Variants in GRHL2 observed in about 807,000 individuals in gnomAD.
GRHL2 encodes grainyhead like transcription factor 2.
In GRHL2, 21 loss-of-function variants were observed where a neutral mutation model predicts 83.8. The ratio of observed to expected loss-of-function variants is 0.25; its 90% CI spans 0.18 to 0.36. GRHL2 has a LOEUF of 0.36. Ranked by LOEUF, GRHL2 falls within the 10% of genes least tolerant of loss-of-function variation. The pLI is 1.00. For missense variants in GRHL2, 623 were observed against 781.8 expected (o/e 0.80, Z 2.42); for synonymous variants, 280 against 278.9 (o/e 1.00, Z -0.04).
intron 7 of GRHL2, among the ~76,000 whole-genome samples, chr8:101,584,984 TA>T (rs1812134149): frequency 6.6e-6 from 1 of 151,784 alleles, no homozygotes; most frequent in African/African-American, 2.4e-5. Context: ...AGTGGTCAGG[TA>T]GTCAGGTAGC....
chr8:101,512,104 G>A (rs911415813), intron 1 of GRHL2, among the ~76,000 whole-genome samples: 8 of 150,386 alleles, frequency 5.3e-5, no homozygotes, highest in African/African-American at 1.7e-4. Flanking sequence ...TGGAAATGTT[G>A]TGCCATCTAA....
Position 101,617,874 on chromosome 8 carries a change from C to T in GRHL2, c.1099-1665C>T, listed in dbSNP as rs371773850. Reference sequence around the variant, plus strand: ...TTGAGGGCTGCTCTCCATAGTGTCGCTGTGGTGTGAGGGACTTCAGGTCCA... The same window carrying T: ...TTGAGGGCTGCTCTCCATAGTGTCGTTGTGGTGTGAGGGACTTCAGGTCCA... On this transcript the variant is annotated intron_variant, in intron 8 of 15. Coordinates refer to ENST00000646743, the MANE Select transcript of GRHL2 (RefSeq NM_024915.4). Among the ~76,000 whole-genome samples, 23 of 152,246 alleles carry T rather than the reference C, an allele frequency of 1.5e-4. No homozygotes were observed. The South Asian group carries it at 4.6e-3, about 30-fold the overall frequency.
At chr8:101,630,335 GTC>G (rs1813161476) in intron 9 of GRHL2, among the ~76,000 whole-genome samples, 1 of 152,024 alleles carries the variant, frequency 6.6e-6, no homozygotes, top group Non-Finnish European at 1.5e-5. Context: ...CCATTTGTGC[GTC>G]TTTTTCTGTG....
intron 8 of GRHL2, among the ~76,000 whole-genome samples, chr8:101,606,124 T>G (rs76553210): frequency 0.014 from 2,172 of 152,310 alleles, 44 homozygotes; most frequent in African/African-American, 0.05. Flanking sequence ...ACAGTGACCC[T>G]CCGCTCTACA....
chr8:101,543,882 G>A (rs1051454331), intron 2 of GRHL2: 6 of 216,740 alleles, frequency 2.8e-5, no homozygotes, highest in East Asian at 1.4e-4. Context: ...CACATGGCTG[G>A]GGAGGCCTCA....
At chr8:101,524,638 C>T (rs1332909266) in intron 1 of GRHL2, among the ~76,000 whole-genome samples, 4 of 151,930 alleles carry the variant, frequency 2.6e-5, no homozygotes, top group South Asian at 4.1e-4. Flanking sequence ...CTTTAAATTT[C>T]ATCTTCTTTG....
intron 5 of GRHL2, among the ~76,000 whole-genome samples, chr8:101,570,879 A>G (rs1252066110): frequency 1.3e-5 from 2 of 152,158 alleles, no homozygotes; most frequent in Admixed American, 6.5e-5. Context: ...TCCACCTGTC[A>G]TCTCCTTTCC....
At position 101,657,034 on chromosome 8, in the gene GRHL2, G is replaced by A. The variant is rs1431776148; in HGVS notation, c.1699-7420G>A. Among the ~76,000 whole-genome samples the A allele has an allele frequency of 4.6e-5, 7 of 152,116 alleles. No homozygotes were observed. The South Asian group carries it at 6.2e-4, about 13-fold the overall frequency. ...GCTGATGTCTACAAAGAAAAAGGTC[G>A]CTCATGGCCTTAGTAGCACCCAGTT... On this transcript the variant is annotated intron_variant, in intron 14 of 15. Coordinates refer to ENST00000646743, the MANE Select transcript of GRHL2 (RefSeq NM_024915.4).
At chr8:101,614,238 TA>T (rs1290524867) in intron 8 of GRHL2, among the ~76,000 whole-genome samples, 1 of 150,964 alleles carries the variant, frequency 6.6e-6, no homozygotes, top group Non-Finnish European at 1.5e-5. Flanking sequence ...AATGATTTTG[TA>T]AAAAAATGCC....
rs1586087600 is a variant in GRHL2, at chr8:101,552,577, C to T, written c.217-138C>T. The stretch of plus-strand genomic sequence containing the variant: ...CACTCAGGCTACTAGCCTTTATCAT[C>T]TCCTGGTGATAGCAACTTTTCCACC... On this transcript the variant is annotated intron_variant, in intron 2 of 15. Coordinates refer to ENST00000646743, the MANE Select transcript of GRHL2 (RefSeq NM_024915.4). The T allele has an allele frequency of 3.9e-6, 3 of 759,942 alleles. No individual in the cohort carries two copies. The East Asian group carries it at 7.9e-5, about 20-fold the overall frequency. 47.1% of individuals were successfully genotyped at this position (759,942 alleles called of 1,614,324 possible). A position where few individuals can be genotyped will look rare whatever the true frequency, so the allele number is the denominator to read the frequency against.
At chr8:101,592,453 A>G (rs944149477) in intron 7 of GRHL2, among the ~76,000 whole-genome samples, 2 of 152,192 alleles carry the variant, frequency 1.3e-5, no homozygotes, top group Non-Finnish European at 2.9e-5. Context: ...GCACCAAAAT[A>G]ATCCAATAAT....
chr8:101,571,739 C>G (rs1006226767), intron 5 of GRHL2, among the ~76,000 whole-genome samples: 1 of 152,124 alleles, frequency 6.6e-6, no homozygotes, highest in African/African-American at 2.4e-5. Context: ...TCCTCTGGTT[C>G]CAATCTCAGG....
intron 1 of GRHL2, among the ~76,000 whole-genome samples, chr8:101,538,151 G>A (rs1383649953): frequency 7.2e-5 from 11 of 152,158 alleles, no homozygotes; most frequent in African/African-American, 2.7e-4. Context: ...TTTGTGTCTG[G>A]ATCTGTTGAC....
intron 9 of GRHL2, among the ~76,000 whole-genome samples, chr8:101,627,847 CACA>C (rs1813109892): frequency 6.6e-6 from 1 of 152,084 alleles, no homozygotes; most frequent in Non-Finnish European, 1.5e-5. Flanking sequence ...TTAAACCAGC[CACA>C]ACATTCCCTT....
chr8:101,601,238 G>A (rs1191623230), intron 8 of GRHL2, among the ~76,000 whole-genome samples: 1 of 151,240 alleles, frequency 6.6e-6, no homozygotes, highest in Non-Finnish European at 1.5e-5. Flanking sequence ...CAAAACAAAT[G>A]TTAAGGCAAG....
Position 101,549,265 on chromosome 8 carries a change from C to A in GRHL2, c.217-3450C>A, listed in dbSNP as rs147983414. Reference sequence around the variant, plus strand: ...CAAGTGTGAGAAGCAAAAACAGGGGCTGCCTACATTGAGATGGGAGACGTA... The same window carrying A: ...CAAGTGTGAGAAGCAAAAACAGGGGATGCCTACATTGAGATGGGAGACGTA... On this transcript the variant is annotated intron_variant, in intron 2 of 15. Coordinates refer to ENST00000646743, the MANE Select transcript of GRHL2 (RefSeq NM_024915.4). Among the ~76,000 whole-genome samples, 157 of 152,248 alleles carry A rather than the reference C, an allele frequency of 1.0e-3. 2 individuals are homozygous for A. The highest frequency in any genetic ancestry group is 3.4e-3 in the African/African-American group (143 of 41,554).
At chr8:101,529,291 G>C in intron 1 of GRHL2, 1 of 209,924 alleles carries the variant, frequency 4.8e-6, no homozygotes, top group Admixed American at 5.9e-5. Flanking sequence ...AAATTAGCCT[G>C]GCATGGTGGC....
At chr8:101,543,130 C>T (rs764019180) in intron 1 of GRHL2, 111 bp from the exon 2 acceptor site, 121 of 856,822 alleles carry the variant, frequency 1.4e-4, no homozygotes, top group Admixed American at 2.1e-4. Flanking sequence ...CCTTCTCCCC[C>T]ATTCTGGGGA....
At position 101,518,830 on chromosome 8, in the gene GRHL2, C is replaced by T. The variant is rs528045123; in HGVS notation, c.21-24411C>T. On this transcript the variant is annotated intron_variant, in intron 1 of 15. Coordinates refer to ENST00000646743, the MANE Select transcript of GRHL2 (RefSeq NM_024915.4). ...AAAGAGTTTTCTAAGGTGTTGTCTA[C>T]TCCTTTGGGCTTCTGTCCATGTTGG... Among the ~76,000 whole-genome samples, 65 of 152,304 alleles carry T rather than the reference C, an allele frequency of 4.3e-4. 1 individual carries two copies. Among genetic ancestry groups the T allele is most frequent in the African/African-American group, 1.4e-3 (58 of 41,558 alleles).
Sources: allele counts gnomAD v4.1 joint callset (sites outside exome capture counted in the v4.1 genomes callset), GRCh38; gene constraint gnomAD v4.1.1; transcripts MANE v1.5; gene names NCBI Gene and HGNC (gene_info 2026-07-23, HGNC 2026-07-21).